Variants in AGPAT5 observed in about 807,000 individuals in gnomAD.
AGPAT5 encodes the protein 1-acyl-sn-glycerol-3-phosphate acyltransferase epsilon.
AGPAT5 carries 46 observed loss-of-function variants against 45.6 expected under a neutral mutation model. That is an observed-to-expected ratio of 1.01 (90% CI 0.80 to 1.29). AGPAT5 has a LOEUF of 1.29. AGPAT5 is among the 50% of genes most tolerant of loss of function. The probability of loss-of-function intolerance (pLI) is 0.00; values close to 1 mark genes in which losing one functional copy is unlikely to be tolerated. For missense variants in AGPAT5, 673 were observed against 450.7 expected (o/e 1.49, Z -4.47); for synonymous variants, 272 against 167.0 (o/e 1.63, Z -4.85).
intron 6 of AGPAT5, among the ~76,000 whole-genome samples, chr8:6,751,087 A>G (rs982990856): frequency 4.6e-5 from 7 of 151,820 alleles, no homozygotes; most frequent in African/African-American, 1.5e-4. Flanking sequence ...AATTGTTTAT[A>G]TGAATTGATG....
At position 6,740,490 on chromosome 8, in the gene AGPAT5, A is replaced by G. The variant is rs146011222; in HGVS notation, c.496-1171A>G. Among the ~76,000 whole-genome samples the G allele has an allele frequency of 3.0e-4, 45 of 148,242 alleles. No homozygotes were observed. In the East Asian group the frequency reaches 8.6e-3, roughly 28 times the overall value. On this transcript the variant is annotated intron_variant, in intron 4 of 7. Transcript: ENST00000285518. ...TATACATATAAATTATTGTTTAATA[A>G]TAATATTAATTATTAAAAATAATAT...
chr8:6,730,260 ATATTT>A (rs1347178084), intron 2 of AGPAT5, among the ~76,000 whole-genome samples: 1 of 151,160 alleles, frequency 6.6e-6, no homozygotes, highest in Non-Finnish European at 1.5e-5. Flanking sequence ...CAGAAAATGT[ATATTT>A]TTTAAATATC....
At chr8:6,731,030 G>A (rs892038889) in intron 3 of AGPAT5, among the ~76,000 whole-genome samples, 10 of 151,680 alleles carry the variant, frequency 6.6e-5, no homozygotes, top group Non-Finnish European at 1.2e-4. Context: ...CATCATGCCC[G>A]GCTAAATTTT....
At chr8:6,741,540 AT>A in intron 4 of AGPAT5, 120 bp from the exon 5 acceptor site, 1 of 613,684 alleles carries the variant, frequency 1.6e-6, no homozygotes, top group Non-Finnish European at 2.8e-6. Flanking sequence ...GTAAATAAAT[AT>A]ACATTTTCTC....
intron 1 of AGPAT5, among the ~76,000 whole-genome samples, chr8:6,713,782 G>C (rs1800232564): frequency 2.0e-5 from 3 of 152,128 alleles, no homozygotes. Flanking sequence ...GCCCAGTCTG[G>C]TTTTGAGCTC....
chr8:6,741,569 C>T (rs970038919), intron 4 of AGPAT5, 92 bp from the exon 5 acceptor site: 8 of 805,726 alleles, frequency 9.9e-6, no homozygotes, highest in African/African-American at 1.7e-5. Flanking sequence ...AGGAAATACT[C>T]TGTTAGCATT....
chr8:6,728,930 G>T (rs1199224110), intron 2 of AGPAT5, among the ~76,000 whole-genome samples: 1 of 152,158 alleles, frequency 6.6e-6, no homozygotes, highest in Non-Finnish European at 1.5e-5. Flanking sequence ...AGTGATCATT[G>T]ATAGCCCAAT....
chr8:6,721,744 G>T (rs1346800734), intron 1 of AGPAT5, among the ~76,000 whole-genome samples: 3 of 152,198 alleles, frequency 2.0e-5, no homozygotes, highest in Non-Finnish European at 4.4e-5. Context: ...CCCTTGTAGG[G>T]TAGCTAGGGC....
chr8:6,720,595 TGAG>T (rs1405517518), intron 1 of AGPAT5, among the ~76,000 whole-genome samples: 1 of 152,184 alleles, frequency 6.6e-6, no homozygotes, highest in Non-Finnish European at 1.5e-5. Flanking sequence ...CTTCTGCCAC[TGAG>T]AAGAAGGAAG....
chr8:6,718,199 CACAT>C (rs1231540055), intron 1 of AGPAT5, among the ~76,000 whole-genome samples: 7 of 152,194 alleles, frequency 4.6e-5, no homozygotes, highest in South Asian at 2.1e-4. Flanking sequence ...TACCAAAAGA[CACAT>C]GCATGCTGAG....
rs2116902163 is a variant in AGPAT5, at chr8:6,732,473, T to C, written c.406-88T>C. 3.2e-6 allele frequency: 3 copies of C among 934,222 alleles called. No individual in the cohort carries two copies. The East Asian group carries it at 8.4e-5, about 26-fold the overall frequency. The allele number at this position is 934,222 out of a possible 1,614,324, so 57.9% of individuals were successfully genotyped here. A position where few individuals can be genotyped will look rare whatever the true frequency, so the allele number is the denominator to read the frequency against. On this transcript the variant is annotated intron_variant, in intron 3 of 7. Coordinates refer to ENST00000285518, the MANE Select transcript of AGPAT5 (RefSeq NM_018361.5). ...CTGAAATGTAGTTTTCATTCTGTAC[T>C]TTTTGCAAGAGAAGTTGCCTTTTTG...
At chr8:6,715,929 T>G (rs903224911) in intron 1 of AGPAT5, among the ~76,000 whole-genome samples, 1 of 152,160 alleles carries the variant, frequency 6.6e-6, no homozygotes, top group Non-Finnish European at 1.5e-5. Context: ...CATGAGGAGT[T>G]TGAAGCATGG....
At chr8:6,727,432 G>T (rs1270248576) in intron 2 of AGPAT5, among the ~76,000 whole-genome samples, 1 of 151,870 alleles carries the variant, frequency 6.6e-6, no homozygotes, top group Non-Finnish European at 1.5e-5. Flanking sequence ...GCCCAGGCTG[G>T]GTGTAATGGT....
At position 6,708,936 on chromosome 8, in the gene AGPAT5, G is replaced by T. The variant is rs531899292; in HGVS notation, c.219+49G>T. The T allele has an allele frequency of 4.8e-5, 74 of 1,547,242 alleles. No individual in the cohort carries two copies. In the South Asian group the frequency reaches 8.0e-4, roughly 17 times the overall value. Reference sequence around the variant, plus strand: ...TCTCGGCGTCCACCCGAGCTCCCGGGGGCGCGGACCTCTCCGCTCCCCCAC... The same window carrying T: ...TCTCGGCGTCCACCCGAGCTCCCGGTGGCGCGGACCTCTCCGCTCCCCCAC... On this transcript the variant is annotated intron_variant, in intron 1 of 7. Coordinates refer to ENST00000285518, the MANE Select transcript of AGPAT5 (RefSeq NM_018361.5).
intron 1 of AGPAT5, among the ~76,000 whole-genome samples, chr8:6,722,094 G>T (rs1436380602): frequency 6.6e-6 from 1 of 152,192 alleles, no homozygotes; most frequent in Non-Finnish European, 1.5e-5. Context: ...GTGGTAAATT[G>T]TGGGAAGATG....
In AGPAT5 at chr8:6,759,759, A is replaced by G. The variant is rs957684085; in HGVS notation, c.*2371A>G. 6.6e-6 allele frequency: 1 copy of G among 152,196 alleles called. No individual in the cohort carries two copies. Among genetic ancestry groups the G allele is most frequent in the African/African-American group, 2.4e-5 (1 of 41,438 alleles). The allele number at this position is 152,196 out of a possible 1,614,324, so 9.4% of individuals were successfully genotyped here. A position where few individuals can be genotyped will look rare whatever the true frequency, so the allele number is the denominator to read the frequency against. On this transcript the variant is annotated 3_prime_UTR_variant, in exon 8 of 8. Coordinates refer to ENST00000285518, the MANE Select transcript of AGPAT5 (RefSeq NM_018361.5). ...TAATGACTGGCCCTGCATTCTTCAC[A>G]ATATTTTTCCCTAAGCTTTGAGCAA...
rs373659579 is a variant in AGPAT5, at chr8:6,759,951, C to G, written c.*2563C>G. Among the ~76,000 whole-genome samples the G allele has an allele frequency of 1.3e-5, 2 of 152,210 alleles. No homozygotes were observed. The highest frequency in any genetic ancestry group is 2.1e-4 in the South Asian group (1 of 4,834). On this transcript the variant is annotated 3_prime_UTR_variant, in exon 8 of 8. Transcript: ENST00000285518. ...AAACATGTCAAATGCCTTAAATTAA[C>G]TAAGTTGGTGAATAAAAGTGCCGAT...
chr8:6,715,529 A>G (rs1244912626), intron 1 of AGPAT5, among the ~76,000 whole-genome samples: 4 of 152,198 alleles, frequency 2.6e-5, no homozygotes, highest in African/African-American at 4.8e-5. Flanking sequence ...CCATCTTTAC[A>G]AAGTAGGCAC....
intron 6 of AGPAT5, among the ~76,000 whole-genome samples, chr8:6,754,325 A>C (rs1432520104): frequency 1.3e-5 from 2 of 152,196 alleles, no homozygotes; most frequent in Non-Finnish European, 2.9e-5. Flanking sequence ...GCTATTCCAC[A>C]GTAATAATTT....
Sources: allele counts gnomAD v4.1 joint callset (sites outside exome capture counted in the v4.1 genomes callset), GRCh38; gene constraint gnomAD v4.1.1; transcripts MANE v1.5; gene names NCBI Gene and HGNC (gene_info 2026-07-23, HGNC 2026-07-21).